The following TSPAN13 variants were observed in gnomAD, a reference collection of about 807,000 sequenced individuals.
TSPAN13 encodes tetraspanin-13.
In TSPAN13, 18 loss-of-function variants were observed where a neutral mutation model predicts 26.9. The observed-to-expected ratio is 0.67, with a 90% CI of 0.46 to 0.99. The LOEUF (loss-of-function observed/expected upper bound fraction) is 0.99. Among genes scored for constraint, TSPAN13 ranks in the 50% least tolerant of loss-of-function variants. The pLI, the probability that TSPAN13 is intolerant of heterozygous loss-of-function variation, is 0.00. For synonymous variants in TSPAN13, 116 were observed against 98.4 expected (o/e 1.18, Z -1.06); for missense variants, 201 against 249.6 (o/e 0.81, Z 1.31).
chr7:16,782,639 C>T (rs929618657), intron 5 of TSPAN13, among the ~76,000 whole-genome samples: 1 of 152,166 alleles, frequency 6.6e-6, no homozygotes, highest in Non-Finnish European at 1.5e-5. Flanking sequence ...TTCATCTCTT[C>T]CTACCAAGAG....
chr7:16,755,999 A>G (rs993587477), intron 1 of TSPAN13, among the ~76,000 whole-genome samples: 32 of 152,208 alleles, frequency 2.1e-4, no homozygotes, highest in African/African-American at 7.2e-4. Flanking sequence ...CTTTTAAATC[A>G]TAGACTTTTT....
At position 16,783,634 on chromosome 7, in the gene TSPAN13, C is replaced by CT; in HGVS notation, c.*144dup. 1.4e-6 allele frequency: 1 copy of CT among 739,236 alleles called. No homozygotes were observed. Among genetic ancestry groups the CT allele is most frequent in the South Asian group, 2.0e-5 (1 of 49,038 alleles). The allele number at this position is 739,236 out of a possible 1,614,324, so 45.8% of individuals were successfully genotyped here. A position where few individuals can be genotyped will look rare whatever the true frequency, so the allele number is the denominator to read the frequency against. On this transcript the variant is annotated 3_prime_UTR_variant, in exon 6 of 6. Coordinates refer to ENST00000262067, the MANE Select transcript of TSPAN13 (RefSeq NM_014399.4). ...GATAGTGGAATTATATATTTTTACT[C>CT]TATGTTTCTCTACATGTTTTTTTCT...
intron 1 of TSPAN13, among the ~76,000 whole-genome samples, chr7:16,754,653 G>C (rs1730476618): frequency 6.6e-6 from 1 of 152,102 alleles, no homozygotes; most frequent in African/African-American, 2.4e-5. Context: ...CTTTTTCTGT[G>C]TGTCTTGTCC....
At chr7:16,772,775 C>T (rs567433819) in intron 1 of TSPAN13, among the ~76,000 whole-genome samples, 2 of 152,246 alleles carry the variant, frequency 1.3e-5, no homozygotes, top group Admixed American at 6.5e-5. Context: ...GCAGGTGGAT[C>T]ACCTGAGGTC....
intron 2 of TSPAN13, among the ~76,000 whole-genome samples, chr7:16,776,688 TTTGG>T (rs575219676): frequency 6.6e-4 from 100 of 152,302 alleles, no homozygotes; most frequent in African/African-American, 2.3e-3. Flanking sequence ...CACATTAATG[TTTGG>T]TTGAGAATTT....
chr7:16,758,458 A>G (rs1019686551), intron 1 of TSPAN13, among the ~76,000 whole-genome samples: 1 of 152,216 alleles, frequency 6.6e-6, no homozygotes, highest in African/African-American at 2.4e-5. Flanking sequence ...CTTTAGATGT[A>G]TAATAGAAAT....
At chr7:16,771,419 C>T (rs1199791586) in intron 1 of TSPAN13, among the ~76,000 whole-genome samples, 2 of 152,114 alleles carry the variant, frequency 1.3e-5, no homozygotes, top group Non-Finnish European at 2.9e-5. Context: ...ACTAAAAGGA[C>T]TTTGAAGATG....
At position 16,783,468 on chromosome 7, in the gene TSPAN13, G is replaced by A. The variant is rs1337664356; in HGVS notation, c.592G>A (p.Ala198Thr). Residue 198 changes from alanine to threonine, a missense_variant, in exon 6 of 6, where the codon GCG becomes ACG. Coordinates refer to ENST00000262067, the MANE Select transcript of TSPAN13 (RefSeq NM_014399.4). ...YRYRNQKDPR[A>T]NPSAFL ...ATACAGGAACCAGAAAGACCCCCGC[G>A]CGAATCCTAGTGCATTCCTTTGATG... The A allele has an allele frequency of 1.4e-5, 23 of 1,613,510 alleles. No individual in the cohort carries two copies. Among genetic ancestry groups the A allele is most frequent in the Non-Finnish European group, 1.9e-5 (22 of 1,179,752 alleles).
Position 16,783,599 on chromosome 7 carries a change from G to C in TSPAN13, c.*108G>C. 1.0e-6 allele frequency: 1 copy of C among 962,050 alleles called. No homozygotes were observed. The highest frequency in any genetic ancestry group is 1.6e-6 in the Non-Finnish European group (1 of 607,886). The allele number at this position is 962,050 out of a possible 1,614,324, so 59.6% of individuals were successfully genotyped here. ...AAGGAAGGAAACACTATCTGGAAAAGTACCTTATTGATAGTGGAATTATAT... is the reference window on the plus strand; with the variant it reads ...AAGGAAGGAAACACTATCTGGAAAACTACCTTATTGATAGTGGAATTATAT... On this transcript the variant is annotated 3_prime_UTR_variant, in exon 6 of 6. Coordinates refer to ENST00000262067, the MANE Select transcript of TSPAN13 (RefSeq NM_014399.4).
intron 3 of TSPAN13, 62 bp from the exon 4 acceptor site, chr7:16,777,736 G>T: frequency 7.9e-7 from 1 of 1,261,178 alleles, no homozygotes; most frequent in East Asian, 2.4e-5. Flanking sequence ...AAAGTTACAG[G>T]CTCCAGCTTT....
At chr7:16,756,936 C>A (rs1784487003) in intron 1 of TSPAN13, among the ~76,000 whole-genome samples, 1 of 152,090 alleles carries the variant, frequency 6.6e-6, no homozygotes, top group African/African-American at 2.4e-5. Flanking sequence ...TATGAAGGCT[C>A]TTTTTTATTT....
intron 1 of TSPAN13, among the ~76,000 whole-genome samples, chr7:16,763,327 G>A (rs1784567341): frequency 6.6e-6 from 1 of 152,148 alleles, no homozygotes; most frequent in South Asian, 2.1e-4. Context: ...AATTTTGCAG[G>A]TATTGAAAGT....
chr7:16,778,942 T>C, intron 4 of TSPAN13, 61 bp from the exon 5 acceptor site: 2 of 1,337,390 alleles, frequency 1.5e-6, no homozygotes, highest in South Asian at 1.3e-5. Flanking sequence ...TGTATGCAGT[T>C]TTTATGGGCT....
chr7:16,757,926 T>C (rs1325711482), intron 1 of TSPAN13, among the ~76,000 whole-genome samples: 4 of 152,090 alleles, frequency 2.6e-5, no homozygotes, highest in Admixed American at 2.0e-4. Context: ...CTCCGCCTCC[T>C]GGGTTCAAGC....
At chr7:16,772,238 A>T (rs754986561) in intron 1 of TSPAN13, among the ~76,000 whole-genome samples, 5 of 152,190 alleles carry the variant, frequency 3.3e-5, no homozygotes, top group Non-Finnish European at 7.3e-5. Flanking sequence ...CATGATAAGG[A>T]TTCCACTGAT....
At chr7:16,768,025 G>C (rs1182989839) in intron 1 of TSPAN13, among the ~76,000 whole-genome samples, 1 of 152,154 alleles carries the variant, frequency 6.6e-6, no homozygotes, top group Non-Finnish European at 1.5e-5. Context: ...CGATTCTCCT[G>C]CCTCAGCCTC....
intron 1 of TSPAN13, among the ~76,000 whole-genome samples, chr7:16,769,571 T>C (rs7789666): frequency 0.67 from 101,434 of 152,034 alleles, 35,018 homozygotes; most frequent in African/African-American, 0.86. Context: ...CTAAAAAGTA[T>C]GTGAAAAAAA....
chr7:16,781,242 T>C (rs1784810600), intron 5 of TSPAN13, among the ~76,000 whole-genome samples: 1 of 152,148 alleles, frequency 6.6e-6, no homozygotes, highest in African/African-American at 2.4e-5. Flanking sequence ...TCAGAAACAA[T>C]CATTTATATT....
At chr7:16,764,934 G>GC (rs1554274188) in intron 1 of TSPAN13, among the ~76,000 whole-genome samples, 2 of 148,444 alleles carry the variant, frequency 1.3e-5, no homozygotes, top group Non-Finnish European at 3.0e-5. Flanking sequence ...TTTTGTTTTT[G>GC]TTTTTTTTTT....
Sources: allele counts gnomAD v4.1 joint callset (sites outside exome capture counted in the v4.1 genomes callset), GRCh38; gene constraint gnomAD v4.1.1; transcripts MANE v1.5; gene names NCBI Gene and HGNC (gene_info 2026-07-23, HGNC 2026-07-21).